Variants in SLC24A2 observed in about 807,000 individuals in gnomAD.
SLC24A2 encodes the protein sodium/potassium/calcium exchanger 2.
SLC24A2 carries 36 observed loss-of-function variants against 62.0 expected under a neutral mutation model. That is an observed-to-expected ratio of 0.58 (90% confidence interval 0.44 to 0.77). SLC24A2 has a LOEUF of 0.77. SLC24A2 is among the 30% of genes least tolerant of loss of function. The pLI is 0.00. For missense variants in SLC24A2, 846 were observed against 817.9 expected (o/e 1.03, Z -0.42); for synonymous variants, 358 against 294.0 (o/e 1.22, Z -2.23).
the SLC24A2 span, among the ~76,000 whole-genome samples, chr9:19,964,041 A>G: frequency 6.6e-6 from 1 of 152,060 alleles, no homozygotes; most frequent in Non-Finnish European, 1.5e-5. Flanking sequence ...ATGCAGCCAT[A>G]AAAAATGATG....
At chr9:20,200,305 A>T in the SLC24A2 span, among the ~76,000 whole-genome samples, 4 of 152,278 alleles carry the variant, frequency 2.6e-5, no homozygotes, top group African/African-American at 9.6e-5. Flanking sequence ...TTGGGAGTCA[A>T]CTTCTGGCTC....
intron 5 of SLC24A2, among the ~76,000 whole-genome samples, chr9:19,582,019 C>T (rs1042044510): frequency 2.6e-5 from 4 of 152,098 alleles, no homozygotes; most frequent in Non-Finnish European, 4.4e-5. Flanking sequence ...GAGGCACCTA[C>T]GTCAAAACCT....
chr9:19,896,882 T>A, the SLC24A2 span, among the ~76,000 whole-genome samples: 1 of 152,230 alleles, frequency 6.6e-6, no homozygotes, highest in African/African-American at 2.4e-5. Context: ...GTAAAATGTC[T>A]TGTTATGCAT....
chr9:19,814,197 A>C, the SLC24A2 span, among the ~76,000 whole-genome samples: 1 of 152,154 alleles, frequency 6.6e-6, no homozygotes, highest in Non-Finnish European at 1.5e-5. Flanking sequence ...TCTCACACTG[A>C]GAAAGATAAT....
At chr9:19,807,346 T>C in the SLC24A2 span, among the ~76,000 whole-genome samples, 1 of 152,270 alleles carries the variant, frequency 6.6e-6, no homozygotes, top group Non-Finnish European at 1.5e-5. Context: ...TCTAGCCTTT[T>C]CTGTTAGTAC....
At chr9:20,176,102 G>A in the SLC24A2 span, among the ~76,000 whole-genome samples, 36 of 152,072 alleles carry the variant, frequency 2.4e-4, no homozygotes, top group South Asian at 2.1e-4. Flanking sequence ...TTTTTCGTTC[G>A]TTCTTACCTT....
chr9:20,280,489 G>A, the SLC24A2 span, among the ~76,000 whole-genome samples: 18 of 152,286 alleles, frequency 1.2e-4, no homozygotes, highest in Admixed American at 2.6e-4. Flanking sequence ...TCTGGGCTGG[G>A]CACCTCAGAA....
At chr9:20,039,186 G>C in the SLC24A2 span, among the ~76,000 whole-genome samples, 3 of 152,190 alleles carry the variant, frequency 2.0e-5, no homozygotes, top group Non-Finnish European at 4.4e-5. Flanking sequence ...TTTAGCCCTG[G>C]TGTGTCTCTT....
chr9:19,876,770 GTGAGTCA>G, the SLC24A2 span, among the ~76,000 whole-genome samples: 1 of 152,066 alleles, frequency 6.6e-6, no homozygotes, highest in Non-Finnish European at 1.5e-5. Context: ...GAAACACAAA[GTGAGTCA>G]TGTTTCCTTC....
the SLC24A2 span, among the ~76,000 whole-genome samples, chr9:19,857,081 C>G: frequency 2.0e-5 from 3 of 152,198 alleles, no homozygotes; most frequent in Admixed American, 6.5e-5. Flanking sequence ...AAAAATCAAT[C>G]TCACTGGGCT....
chr9:19,613,240 T>C (rs149037095), intron 4 of SLC24A2, among the ~76,000 whole-genome samples: 42 of 152,330 alleles, frequency 2.8e-4, no homozygotes, highest in African/African-American at 7.9e-4. Flanking sequence ...GTGACTGTGA[T>C]TGATCACCAG....
intron 2 of SLC24A2, among the ~76,000 whole-genome samples, chr9:19,688,580 A>G (rs566348365): frequency 6.6e-6 from 1 of 152,258 alleles, no homozygotes; most frequent in East Asian, 1.9e-4. Context: ...GCTGCATTTC[A>G]GTTAAGTTGA....
chr9:19,852,245 G>A, the SLC24A2 span, among the ~76,000 whole-genome samples: 1 of 152,092 alleles, frequency 6.6e-6, no homozygotes, highest in South Asian at 2.1e-4. Context: ...CAGATGAATA[G>A]ATTACAAAAA....
intron 2 of SLC24A2, among the ~76,000 whole-genome samples, chr9:19,719,084 C>CA (rs1229355018): frequency 6.6e-6 from 1 of 152,172 alleles, no homozygotes; most frequent in Non-Finnish European, 1.5e-5. Flanking sequence ...CCACAAATTG[C>CA]AAGGCTCCTG....
chr9:19,577,135 A>C, intron 5 of SLC24A2, 113 bp from the exon 6 acceptor site: 1 of 837,254 alleles, frequency 1.2e-6, no homozygotes, highest in South Asian at 1.3e-5. Context: ...TGACCACTCC[A>C]TTCTGTCCAA....
the SLC24A2 span, among the ~76,000 whole-genome samples, chr9:20,076,742 G>C: frequency 6.6e-6 from 1 of 151,582 alleles, no homozygotes; most frequent in African/African-American, 2.4e-5. Context: ...ATGGAGAAAA[G>C]TGCCAAAAAA....
At chr9:19,727,772 C>T (rs1211953640) in intron 2 of SLC24A2, among the ~76,000 whole-genome samples, 1 of 152,176 alleles carries the variant, frequency 6.6e-6, no homozygotes, top group African/African-American at 2.4e-5. Flanking sequence ...ATTTACCTTA[C>T]ATCCCTCTCA....
chr9:19,796,844 G>A, the SLC24A2 span, among the ~76,000 whole-genome samples: 1 of 152,160 alleles, frequency 6.6e-6, no homozygotes, highest in African/African-American at 2.4e-5. Context: ...GTACCTTGGA[G>A]TGGATCTTTT....
At chr9:19,618,697 A>G (rs12682844) in intron 4 of SLC24A2, among the ~76,000 whole-genome samples, 1,925 of 152,292 alleles carry the variant, frequency 0.013, 34 homozygotes, top group East Asian at 0.086. Flanking sequence ...TGATTCGACA[A>G]TCAGATCCCC....
Sources: allele counts gnomAD v4.1 joint callset (sites outside exome capture counted in the v4.1 genomes callset), GRCh38; gene constraint gnomAD v4.1.1; transcripts MANE v1.5; gene names NCBI Gene and HGNC (gene_info 2026-07-23, HGNC 2026-07-21).